Variants in RAB3IL1 observed in about 807,000 individuals in gnomAD.
RAB3IL1 encodes the protein RAB3A interacting protein like 1.
A neutral mutation model predicts 49.2 loss-of-function variants in RAB3IL1; 37 were observed. That is an observed-to-expected ratio of 0.75 (90% CI 0.58 to 0.99). The LOEUF is 0.99. Ranked by LOEUF, RAB3IL1 falls within the 50% of genes least tolerant of loss-of-function variation. The probability of loss-of-function intolerance (pLI) is 0.00; values close to 1 mark genes in which losing one functional copy is unlikely to be tolerated. For missense variants in RAB3IL1, 484 were observed against 513.0 expected (o/e 0.94, Z 0.55); for synonymous variants, 193 against 213.9 (o/e 0.90, Z 0.85).
rs369063181 is a variant in RAB3IL1, at chr11:61,902,516, G to A, written c.925C>T (p.Arg309Cys). 1.1e-5 allele frequency: 17 copies of A among 1,602,126 alleles called. No individual in the cohort carries two copies. In the South Asian group the frequency reaches 1.2e-4, roughly 12 times the overall value. The change falls in exon 8 of 10, where the codon CGC (arginine) becomes TGC (cysteine). Residue 309 changes from arginine (R) to cysteine (C), a missense_variant. Transcript: ENST00000394836. ...AGCCGGATTCGGTGGCGGCAGGTGCGGGTCAGCCCGCTCAGGGCACATGTG... is the reference window on the plus strand; with the variant it reads ...AGCCGGATTCGGTGGCGGCAGGTGCAGGTCAGCCCGCTCAGGGCACATGTG... ...TNTCALSGLTRTCRHRIRLGD... is the reference protein window; with the variant it reads ...TNTCALSGLTCTCRHRIRLGD...
At position 61,904,786 on chromosome 11, in the gene RAB3IL1, C is replaced by T. The variant is rs759926862; in HGVS notation, c.754G>A (p.Val252Met). The change falls in exon 6 of 10, where the codon GTG (valine) becomes ATG (methionine). Residue 252 changes from valine to methionine, a missense_variant. Physicochemically the swap from Val to Met is conservative, Grantham distance 21 (BLOSUM62 1). Coordinates refer to ENST00000394836, the MANE Select transcript of RAB3IL1 (RefSeq NM_013401.4). ...PFLERVYREDVGPCLDFTMQE... is the reference protein window; with the variant it reads ...PFLERVYREDMGPCLDFTMQE... ...ATTGTGAAGTCCAGGCAGGGGCCCA[C>T]GTCCTCTCGGTACACCCTTTCCAGG... 3.3e-5 allele frequency: 53 copies of T among 1,609,360 alleles called. No homozygotes were observed. In the Admixed American group the frequency reaches 4.1e-4, roughly 12 times the overall value.
chr11:61,921,543 T>A (rs939044105), upstream of RAB3IL1, among the ~76,000 whole-genome samples: 2 of 152,196 alleles, frequency 1.3e-5, no homozygotes, highest in Non-Finnish European at 2.9e-5. Flanking sequence ...TGTGGGTTAC[T>A]TTTTTCCTCT....
At chr11:61,945,681 G>A in the RAB3IL1 span, 2 of 850,440 alleles carry the variant, frequency 2.4e-6, no homozygotes, top group African/African-American at 1.8e-5. Flanking sequence ...CCTGACCCAT[G>A]ATGTCCTTTC....
At chr11:61,929,370 T>C in the RAB3IL1 span, among the ~76,000 whole-genome samples, 1 of 151,952 alleles carries the variant, frequency 6.6e-6, no homozygotes, top group East Asian at 1.9e-4. Context: ...CTGGGTGTGG[T>C]GGCATGCGCC....
chr11:61,913,576 T>A (rs1184157201), intron 1 of RAB3IL1, among the ~76,000 whole-genome samples: 1 of 152,154 alleles, frequency 6.6e-6, no homozygotes, highest in African/African-American at 2.4e-5. Flanking sequence ...TGTCTCTCCA[T>A]GGGAGCCAGC....
chr11:61,904,297 T>C (rs551018315), intron 7 of RAB3IL1, among the ~76,000 whole-genome samples: 1 of 152,114 alleles, frequency 6.6e-6, no homozygotes, highest in South Asian at 2.1e-4. Flanking sequence ...CTGATAATCA[T>C]GGTTCAAGAA....
chr11:61,920,791 C>T (rs529527284), upstream of RAB3IL1, among the ~76,000 whole-genome samples: 7 of 149,976 alleles, frequency 4.7e-5, no homozygotes, highest in African/African-American at 1.5e-4. Context: ...GGCATGGTGG[C>T]GCATGCCTGT....
rs1367255736 is a variant in RAB3IL1 at position 61,916,988 on chromosome 11, AAGGGGTTG to A, written c.11+361_11+368del. On this transcript the variant is annotated intron_variant, in intron 1 of 9. Transcript: ENST00000394836. ...CTGCTTTCCAAGAGTTCATCCAGCGAAGGGGTTGAGGGACAGGTTGGGAGGGTGGGCTG... is the reference window on the plus strand; with the variant it reads ...CTGCTTTCCAAGAGTTCATCCAGCGAAGGGACAGGTTGGGAGGGTGGGCTG... Among the ~76,000 whole-genome samples the A allele has an allele frequency of 1.1e-3, 158 of 145,676 alleles. 2 individuals carry two copies. The highest frequency in any genetic ancestry group is 3.7e-3 in the African/African-American group (151 of 40,582).
the RAB3IL1 span, among the ~76,000 whole-genome samples, chr11:61,934,450 G>GTATGTATATATA: frequency 3.2e-5 from 1 of 31,614 alleles, no homozygotes; most frequent in African/African-American, 9.2e-5. Flanking sequence ...GTGTGTGTAT[G>GTATGTATATATA]TATATATATA....
the RAB3IL1 span, among the ~76,000 whole-genome samples, chr11:61,942,884 A>G: frequency 1.3e-5 from 2 of 152,362 alleles, no homozygotes; most frequent in African/African-American, 4.8e-5. Context: ...AAATAAATGA[A>G]AAGACATCCT....
Position 61,899,379 on chromosome 11 carries a change from A to G in RAB3IL1, c.1001T>C (p.Ile334Thr). 6.2e-7 allele frequency: 1 copy of G among 1,608,844 alleles called. No individual in the cohort carries two copies. The highest frequency in any genetic ancestry group is 8.5e-7 in the Non-Finnish European group (1 of 1,179,566). The change falls in exon 9 of 10, where the codon ATC (isoleucine) becomes ACC (threonine). Residue 334 changes from isoleucine (I) to threonine (T), a missense_variant and splice_region_variant. Coordinates refer to ENST00000394836, the MANE Select transcript of RAB3IL1 (RefSeq NM_013401.4). ...YYISPSSRAR[I>T]TAVCNFFTYI... ...GGTGAAGAAGTTGCACACTGCGGTG[A>G]TCTGTGGGCAGAGGTGGGGACGGTG... is the stretch of plus-strand genomic sequence containing the variant.
chr11:61,931,673 G>C, the RAB3IL1 span, among the ~76,000 whole-genome samples: 4 of 152,090 alleles, frequency 2.6e-5, no homozygotes, highest in Admixed American at 2.0e-4. Flanking sequence ...GGAGGAGGAA[G>C]AAGGAGAGGC....
rs546710760 is a variant in RAB3IL1 at position 61,900,433 on chromosome 11, G to A, written c.1000-1053C>T. On this transcript the variant is annotated intron_variant, in intron 8 of 9. Coordinates refer to ENST00000394836, the MANE Select transcript of RAB3IL1 (RefSeq NM_013401.4). ...GCAGGCTGGGGAGTGGAGAAGCTTC[G>A]GGGAGGGGCGGGACGGTGGTGGCCT... Among the ~76,000 whole-genome samples, 8 of 152,350 alleles carry A rather than the reference G, an allele frequency of 5.3e-5. No homozygotes were observed. The South Asian group carries it at 8.3e-4, about 16-fold the overall frequency.
chr11:61,923,505 C>T (rs1031467168), upstream of RAB3IL1, among the ~76,000 whole-genome samples: 16 of 152,344 alleles, frequency 1.1e-4, no homozygotes, highest in Non-Finnish European at 1.8e-4. Context: ...AAGGCAGCCA[C>T]GCACACCTGG....
At chr11:61,943,018 A>T in the RAB3IL1 span, among the ~76,000 whole-genome samples, 2 of 152,240 alleles carry the variant, frequency 1.3e-5, no homozygotes, top group African/African-American at 4.8e-5. Context: ...CCTAAAATTC[A>T]CATGGAATTG....
the RAB3IL1 span, among the ~76,000 whole-genome samples, chr11:61,930,415 G>A: frequency 2.6e-5 from 4 of 152,312 alleles, no homozygotes; most frequent in Admixed American, 2.6e-4. Flanking sequence ...GACCACCTAA[G>A]CATAAGGATA....
At chr11:61,901,991 G>A (rs147387971) in intron 8 of RAB3IL1, among the ~76,000 whole-genome samples, 25 of 152,270 alleles carry the variant, frequency 1.6e-4, no homozygotes, top group African/African-American at 4.8e-4. Flanking sequence ...CAGTCTCTGC[G>A]CCTCTCTGAG....
chr11:61,929,077 C>T, the RAB3IL1 span, among the ~76,000 whole-genome samples: 68 of 152,102 alleles, frequency 4.5e-4, no homozygotes, highest in African/African-American at 1.5e-3. Flanking sequence ...TATATGTGAC[C>T]TTTTGACACA....
At chr11:61,930,500 G>A in the RAB3IL1 span, among the ~76,000 whole-genome samples, 1,414 of 152,220 alleles carry the variant, frequency 9.3e-3, 15 homozygotes, top group South Asian at 0.03. Flanking sequence ...ACTTTAAGAC[G>A]AATCATGGTG....
Sources: gnomAD v4.1 joint callset for allele counts (sites outside exome capture counted in the v4.1 genomes callset) on GRCh38, gnomAD v4.1.1 for gene constraint, MANE v1.5 for transcripts, NCBI Gene and HGNC (gene_info 2026-07-23, HGNC 2026-07-21) for gene names.